ITGAD: variants seen among roughly 807,000 people sequenced by gnomAD.
ITGAD encodes integrin alpha-D.
In ITGAD, 105 loss-of-function variants were observed where a neutral mutation model predicts 139.0. That is an observed-to-expected ratio of 0.76 (90% CI 0.65 to 0.89). The LOEUF (loss-of-function observed/expected upper bound fraction) is 0.89, where lower values mean the gene tolerates loss of function less well. Ranked by LOEUF, ITGAD falls within the 40% of genes least tolerant of loss-of-function variation. ITGAD has a pLI of 0.00. For synonymous variants in ITGAD, 569 were observed against 598.3 expected, an observed-to-expected ratio of 0.95 and a Z score of 0.71; for missense variants, 1,384 against 1,487.3, an observed-to-expected ratio of 0.93 and a Z score of 1.14.
Position 31,403,014 on chromosome 16 carries a change from A to G in ITGAD, c.559-486A>G, listed in dbSNP as rs997600782. 1 of 152,590 alleles carries G rather than the reference A, an allele frequency of 6.6e-6. No individual in the cohort carries two copies. Among genetic ancestry groups the G allele is most frequent in the African/African-American group, 2.4e-5 (1 of 41,446 alleles). The allele number at this position is 152,590 out of a possible 1,614,324, so 9.5% of individuals were successfully genotyped here. On this transcript the variant is annotated intron_variant, in intron 6 of 29. Coordinates refer to ENST00000389202, the MANE Select transcript of ITGAD (RefSeq NM_005353.3). The surrounding 1 kb of genome is among the most constrained non-coding windows in gnomAD (Gnocchi z 4.4). ...TGGTTGGCAAAGTTATTTTTAATAA[A>G]CTGTGAAGGAAATATCATTTGGTTT...
At chr16:31,396,166 C>A (rs1171298641) in intron 2 of ITGAD, among the ~76,000 whole-genome samples, 1 of 152,010 alleles carries the variant, frequency 6.6e-6, no homozygotes, top group Non-Finnish European at 1.5e-5. Flanking sequence ...TTTTTTGGGC[C>A]ACATTTTAAA....
rs766368319 is a variant in ITGAD at position 31,416,480 on chromosome 16, T to C, written c.2358-25T>C. On this transcript the variant is annotated intron_variant, in intron 19 of 29. Coordinates refer to ENST00000389202, the MANE Select transcript of ITGAD (RefSeq NM_005353.3). ...CCACCTATTTCCAGTGGAGCGCCACTCCCAGCCTCGTCCTTCCCCTTCAGC... is the reference window on the plus strand; with the variant it reads ...CCACCTATTTCCAGTGGAGCGCCACCCCCAGCCTCGTCCTTCCCCTTCAGC... 6 of 1,599,446 alleles carry C rather than the reference T, an allele frequency of 3.8e-6. No homozygotes were observed. The Admixed American group carries it at 1.0e-4, about 27-fold the overall frequency.
rs780854646 is a variant in ITGAD at position 31,407,747 on chromosome 16, G to A, written c.859-19G>A. On this transcript the variant is annotated intron_variant, in intron 8 of 29. Coordinates refer to ENST00000389202, the MANE Select transcript of ITGAD (RefSeq NM_005353.3). Reference sequence around the variant, plus strand: ...CAGTGCTGCTGGGCTCATCCTCCTCGGCTGTCTCTCTGCTGCAGGTGGGAC... The same window carrying A: ...CAGTGCTGCTGGGCTCATCCTCCTCAGCTGTCTCTCTGCTGCAGGTGGGAC... The A allele has an allele frequency of 1.7e-5, 27 of 1,613,554 alleles. No homozygotes were observed. The highest frequency in any genetic ancestry group is 2.7e-5 in the African/African-American group (2 of 74,904).
chr16:31,409,911 C>CAAAAA (rs11447533), intron 10 of ITGAD, among the ~76,000 whole-genome samples: 1 of 89,672 alleles, frequency 1.1e-5, no homozygotes, highest in Non-Finnish European at 2.1e-5. Flanking sequence ...CAGCCTGTCT[C>CAAAAA]AAAAAAAAAA....
intron 10 of ITGAD, among the ~76,000 whole-genome samples, chr16:31,408,859 G>A (rs1365122147): frequency 2.0e-5 from 3 of 152,222 alleles, no homozygotes; most frequent in East Asian, 1.9e-4. Context: ...AAGGTCCTGA[G>A]GCAGGACCCA....
At chr16:31,393,413 G>C in intron 1 of ITGAD, 22 bp downstream of exon 1, 2 of 1,613,888 alleles carry the variant, frequency 1.2e-6, no homozygotes, top group Non-Finnish European at 1.7e-6. Flanking sequence ...CAGGGTGCTG[G>C]GGAGAAGCTT....
At chr16:31,422,975 G>A in intron 23 of ITGAD, 139 bp from the exon 24 acceptor site, 1 of 701,738 alleles carries the variant, frequency 1.4e-6, no homozygotes, top group Non-Finnish European at 2.5e-6. Flanking sequence ...ACAGGCATGA[G>A]CCACTGTGCC....
intron 14 of ITGAD, among the ~76,000 whole-genome samples, 181 bp from the exon 15 acceptor site, chr16:31,412,657 T>G (rs892100452): frequency 2.0e-5 from 3 of 152,196 alleles, no homozygotes; most frequent in African/African-American, 7.2e-5. Context: ...CCTACATCTA[T>G]TTCTTAGCAA....
Position 31,409,066 on chromosome 16 carries a change from G to A in ITGAD, c.1083+568G>A, listed in dbSNP as rs138766816. On this transcript the variant is annotated intron_variant, in intron 10 of 29. Transcript: ENST00000389202. ...CCCAGCACTTTGGGAGGCTGAGACG[G>A]GCGGATCACTTGAGGTCAGGAGTTT... Among the ~76,000 whole-genome samples the A allele has an allele frequency of 4.6e-3, 693 of 152,296 alleles. 7 individuals are homozygous for A. The highest frequency in any genetic ancestry group is 0.016 in the African/African-American group (678 of 41,546).
rs1244244217 is a variant in ITGAD, at chr16:31,413,196, G to A, written c.1946G>A (p.Gly649Glu). The change falls in exon 16 of 30, where the codon GGG becomes GAG. Residue 649 changes from glycine to glutamate, a missense_variant. Physicochemically the swap from Gly to Glu is moderately conservative, Grantham distance 98. Coordinates refer to ENST00000389202, the MANE Select transcript of ITGAD (RefSeq NM_005353.3). ...GAGAAGCCCAGTGCCCTGGAAGCTG[G>A]GGACGCCACCGTCTGTCTCACCATC... ...WEEKPSALEAGDATVCLTIQK... is the reference protein window; with the variant it reads ...WEEKPSALEAEDATVCLTIQK... The A allele has an allele frequency of 9.9e-6, 16 of 1,614,016 alleles. No homozygotes were observed. Among genetic ancestry groups the A allele is most frequent in the Non-Finnish European group, 1.4e-5 (16 of 1,180,024 alleles).
chr16:31,412,955 G>C lies in ITGAD; in HGVS notation c.1825G>C (p.Val609Leu). Residue 609 changes from valine to leucine, a missense_variant, in exon 15 of 30, where the codon GTG becomes CTG. By Grantham distance (32) the Val-to-Leu change is conservative. Transcript: ENST00000389202. ...MDLAVGARGQ[V>L]LLLRSLPVLK... is the part of the protein sequence containing the mutation. ...CCTGGCCGTGGGGGCCCGGGGCCAG[G>C]TGCTCCTGCTCAGGTAGCGACTCCC... 1 of 1,608,722 alleles carries C rather than the reference G, an allele frequency of 6.2e-7. No homozygotes were observed. The highest frequency in any genetic ancestry group is 1.1e-5 in the South Asian group (1 of 90,386).
Position 31,403,957 on chromosome 16 carries a change from C to G in ITGAD, c.704+312C>G, listed in dbSNP as rs2081474062. ...GGCTTTGGCTCAGACACATCAGGCT[C>G]CCATCCTGGCTCCCCGTGAGCTACT... is the stretch of plus-strand genomic sequence containing the variant. On this transcript the variant is annotated intron_variant, in intron 7 of 29. Coordinates refer to ENST00000389202, the MANE Select transcript of ITGAD (RefSeq NM_005353.3). The surrounding 1 kb of genome is among the most constrained non-coding windows in gnomAD (Gnocchi z 4.4). 1 of 376,904 alleles carries G rather than the reference C, an allele frequency of 2.7e-6. No individual in the cohort carries two copies. Among genetic ancestry groups the G allele is most frequent in the African/African-American group, 2.0e-5 (1 of 48,800 alleles). The allele number at this position is 376,904 out of a possible 1,614,324, so 23.3% of individuals were successfully genotyped here. A position where few individuals can be genotyped will look rare whatever the true frequency, so the allele number is the denominator to read the frequency against.
chr16:31,418,481 T>C lies in ITGAD; in HGVS notation c.2697T>C (p.Ser899=). The change falls in exon 23 of 30, where the codon AGT becomes AGC. Residue 899 remains serine, a splice_region_variant and synonymous_variant. Transcript: ENST00000389202. Reference sequence around the variant, plus strand: ...ATTGGTCCCTCCTTTCTGTCTCCAGTGAGAACAATAAGGCTTCAAGCAGCA... The same window carrying C: ...ATTGGTCCCTCCTTTCTGTCTCCAGCGAGAACAATAAGGCTTCAAGCAGCA... ...DRMLMRASAS[S]ENNKASSSKA... is the part of the protein sequence containing the mutation. 1 of 1,613,654 alleles carries C rather than the reference T, an allele frequency of 6.2e-7. No individual in the cohort carries two copies. Among genetic ancestry groups the C allele is most frequent in the Non-Finnish European group, 8.5e-7 (1 of 1,179,722 alleles).
Position 31,410,524 on chromosome 16 carries a change from G to A in ITGAD, c.1213G>A (p.Gly405Ser). Reference sequence around the variant, plus strand: ...TGTGGACATGAGGGACTCTTACCTGGGTGAGAAACGGCCAGGGGTTGGGGA... The same window carrying A: ...TGTGGACATGAGGGACTCTTACCTGAGTGAGAAACGGCCAGGGGTTGGGGA... Reference protein sequence around the residue: ...ENVDMRDSYLGYSTELALWKG... With the variant: ...ENVDMRDSYLSYSTELALWKG... Residue 405 changes from glycine to serine, a missense_variant and splice_region_variant, in exon 11 of 30, where the codon GGT (glycine) becomes AGT (serine). Transcript: ENST00000389202. 6.2e-7 allele frequency: 1 copy of A among 1,613,686 alleles called. No homozygotes were observed. The highest frequency in any genetic ancestry group is 8.5e-7 in the Non-Finnish European group (1 of 1,179,930).
At chr16:31,421,767 A>C (rs558847507) in intron 23 of ITGAD, among the ~76,000 whole-genome samples, 1 of 152,206 alleles carries the variant, frequency 6.6e-6, no homozygotes, top group African/African-American at 2.4e-5. Context: ...TCAGTGACTC[A>C]GGTAGGAAGT....
intron 29 of ITGAD, among the ~76,000 whole-genome samples, chr16:31,425,752 G>C (rs778189640): frequency 2.1e-4 from 32 of 149,078 alleles, no homozygotes; most frequent in Non-Finnish European, 2.5e-4. Flanking sequence ...GCATGATCTT[G>C]GCTCACGGCA....
Position 31,410,475 on chromosome 16 carries a change from C to A in ITGAD, c.1164C>A (p.Thr388=). Residue 388 remains threonine (T), a synonymous_variant, in exon 11 of 30, where the codon ACC becomes ACA. Transcript: ENST00000389202. ...AFLYPPNMSP[T]FINMSQENVD... is the part of the protein sequence containing the mutation. ...TGTATCCCCCAAATATGAGCCCCACCTTCATCAACATGTCTCAGGAGAATG... is the reference window on the plus strand; with the variant it reads ...TGTATCCCCCAAATATGAGCCCCACATTCATCAACATGTCTCAGGAGAATG... 2 of 1,613,890 alleles carry A rather than the reference C, an allele frequency of 1.2e-6. No individual in the cohort carries two copies. Among genetic ancestry groups the A allele is most frequent in the Non-Finnish European group, 1.7e-6 (2 of 1,179,950 alleles).
At chr16:31,422,269 T>A (rs187010125) in intron 23 of ITGAD, among the ~76,000 whole-genome samples, 150 of 152,150 alleles carry the variant, frequency 9.9e-4, no homozygotes, top group African/African-American at 3.5e-3. Context: ...AAACTTTAGA[T>A]GTTAAGTGGT....
At position 31,426,282 on chromosome 16, in the gene ITGAD, G is replaced by T; in HGVS notation, c.*154G>T. 1.7e-6 allele frequency: 1 copy of T among 576,216 alleles called. No individual in the cohort carries two copies. Among genetic ancestry groups the T allele is most frequent in the Non-Finnish European group, 3.1e-6 (1 of 318,872 alleles). The allele number at this position is 576,216 out of a possible 1,614,324, so 35.7% of individuals were successfully genotyped here. On this transcript the variant is annotated 3_prime_UTR_variant, in exon 30 of 30. Transcript: ENST00000389202. ...TTCTCGGAGAGATAGAGATTGTAAT[G>T]TTTTTACATATCTGTCCATCTTTTT...
Sources: allele counts gnomAD v4.1 joint callset (sites outside exome capture counted in the v4.1 genomes callset), GRCh38; gene constraint gnomAD v4.1.1; non-coding constraint Gnocchi (gnomAD v3.1); transcripts MANE v1.5; gene names NCBI Gene and HGNC (gene_info 2026-07-23, HGNC 2026-07-21).